Variants in SPATA17 observed in about 807,000 individuals in gnomAD.
SPATA17 encodes spermatogenesis associated 17, also known as spermatogenesis-associated protein 17.
A neutral mutation model predicts 62.2 loss-of-function variants in SPATA17; 53 were observed. That is an observed-to-expected ratio of 0.85 (90% CI 0.68 to 1.07). SPATA17 has a LOEUF of 1.07. Ranked by LOEUF, SPATA17 falls within the 50% of genes least tolerant of loss-of-function variation. The probability of loss-of-function intolerance (pLI) is 0.00; values close to 1 mark genes in which losing one functional copy is unlikely to be tolerated. For missense variants in SPATA17, 466 were observed against 425.5 expected (o/e 1.10, Z -0.84); for synonymous variants, 146 against 146.8 (o/e 0.99, Z 0.04).
chr1:217,737,979 C>T (rs1311481623), intron 5 of SPATA17: 5 of 152,340 alleles, frequency 3.3e-5, no homozygotes, highest in South Asian at 2.1e-4. Flanking sequence ...TGCACACCAC[C>T]ACACCAGGCT....
chr1:217,795,179 A>G (rs571171316), intron 8 of SPATA17, among the ~76,000 whole-genome samples: 2 of 152,232 alleles, frequency 1.3e-5, no homozygotes, highest in East Asian at 3.9e-4. Context: ...GATTTTTGGC[A>G]CTTACAGGGC....
At chr1:217,847,839 C>G (rs1163545864) in intron 9 of SPATA17, among the ~76,000 whole-genome samples, 2 of 151,986 alleles carry the variant, frequency 1.3e-5, no homozygotes, top group Non-Finnish European at 2.9e-5. Context: ...CAGGACCAGC[C>G]TGGGCAACAC....
chr1:217,656,585 T>C (rs1670450219), intron 3 of SPATA17, among the ~76,000 whole-genome samples: 3 of 152,184 alleles, frequency 2.0e-5, no homozygotes, highest in African/African-American at 7.2e-5. Flanking sequence ...TATGTATTTA[T>C]TTATTTTTGC....
chr1:217,739,075 T>C (rs1158274746), intron 5 of SPATA17, among the ~76,000 whole-genome samples: 1 of 152,218 alleles, frequency 6.6e-6, no homozygotes, highest in Non-Finnish European at 1.5e-5. Flanking sequence ...TCCCTATGAA[T>C]ATCATTGGCA....
At chr1:217,854,260 GT>G (rs1407128114) in intron 9 of SPATA17, among the ~76,000 whole-genome samples, 4 of 152,140 alleles carry the variant, frequency 2.6e-5, no homozygotes, top group African/African-American at 9.7e-5. Context: ...ATTAAGTTAG[GT>G]TGCAGTTCAT....
At chr1:217,787,731 C>T (rs538423141) in intron 8 of SPATA17, among the ~76,000 whole-genome samples, 19 of 151,928 alleles carry the variant, frequency 1.3e-4, no homozygotes, top group Admixed American at 8.5e-4. Context: ...AATTATTAAA[C>T]GCTCTTCACT....
At chr1:217,744,273 T>C (rs1672697681) in intron 6 of SPATA17, among the ~76,000 whole-genome samples, 1 of 52,184 alleles carries the variant, frequency 1.9e-5, no homozygotes, top group African/African-American at 4.6e-5. Flanking sequence ...CCATCCCGGC[T>C]AAAACGGTGA....
intron 5 of SPATA17, among the ~76,000 whole-genome samples, chr1:217,723,374 T>G (rs549513924): frequency 6.6e-6 from 1 of 152,188 alleles, no homozygotes; most frequent in African/African-American, 2.4e-5. Context: ...GATTTGTTTC[T>G]ATCCTTCAGA....
chr1:217,779,706 G>T (rs536249282), intron 7 of SPATA17, among the ~76,000 whole-genome samples: 1 of 150,530 alleles, frequency 6.6e-6, no homozygotes, highest in Non-Finnish European at 1.5e-5. Context: ...CCATATTCCT[G>T]TGTGTTACCA....
intron 1 of SPATA17, among the ~76,000 whole-genome samples, chr1:217,636,120 A>C (rs1669931755): frequency 8.6e-6 from 1 of 115,828 alleles, no homozygotes; most frequent in East Asian, 2.5e-4. Context: ...CGACAGAATG[A>C]GACTCCGTCT....
chr1:217,659,195 C>T (rs1670511125), intron 3 of SPATA17, among the ~76,000 whole-genome samples: 1 of 150,166 alleles, frequency 6.7e-6, no homozygotes, highest in East Asian at 2.0e-4. Context: ...AAAACACACA[C>T]ACACACACAC....
intron 9 of SPATA17, among the ~76,000 whole-genome samples, chr1:217,834,594 A>G (rs1675219473): frequency 6.6e-6 from 1 of 152,184 alleles, no homozygotes; most frequent in Admixed American, 6.6e-5. Context: ...GAATAAGGAT[A>G]TAAAGGAAAA....
chr1:217,835,803 G>A (rs777607376), intron 9 of SPATA17, among the ~76,000 whole-genome samples: 4 of 152,010 alleles, frequency 2.6e-5, no homozygotes, highest in Non-Finnish European at 4.4e-5. Flanking sequence ...CAACTTCTCC[G>A]ATTACTCCTG....
chr1:217,711,472 T>A (rs1471296056), intron 5 of SPATA17, among the ~76,000 whole-genome samples: 1 of 152,226 alleles, frequency 6.6e-6, no homozygotes, highest in Non-Finnish European at 1.5e-5. Flanking sequence ...TGGATTCAGA[T>A]AGATATGAAT....
chr1:217,865,456 G>A (rs1248939606), intron 10 of SPATA17, among the ~76,000 whole-genome samples: 1 of 152,046 alleles, frequency 6.6e-6, no homozygotes, highest in African/African-American at 2.4e-5. Context: ...AAAATACACG[G>A]AACTAGATCT....
At chr1:217,780,286 G>A in intron 7 of SPATA17, among the ~76,000 whole-genome samples, 1 of 151,992 alleles carries the variant, frequency 6.6e-6, no homozygotes, top group East Asian at 1.9e-4. Context: ...ACTAACCAAG[G>A]AGCTGGAAGA....
chr1:217,823,971 C>T (rs1052395375), intron 9 of SPATA17, among the ~76,000 whole-genome samples: 2 of 151,952 alleles, frequency 1.3e-5, no homozygotes, highest in Non-Finnish European at 2.9e-5. Flanking sequence ...TCCATGCCTT[C>T]ACTTTCAGTT....
At chr1:217,815,005 C>T (rs764088941) in intron 9 of SPATA17, among the ~76,000 whole-genome samples, 1 of 151,964 alleles carries the variant, frequency 6.6e-6, no homozygotes, top group African/African-American at 2.4e-5. Context: ...AAACTCGTAA[C>T]CTTATGTTTT....
intron 6 of SPATA17, among the ~76,000 whole-genome samples, chr1:217,770,818 G>A (rs1203498247): frequency 6.6e-6 from 1 of 151,926 alleles, no homozygotes; most frequent in Non-Finnish European, 1.5e-5. Flanking sequence ...ATGGTTCAAA[G>A]TATTAATGTA....
Sources: gnomAD v4.1 joint callset for allele counts (sites outside exome capture counted in the v4.1 genomes callset) on GRCh38, gnomAD v4.1.1 for gene constraint, MANE v1.5 for transcripts, NCBI Gene and HGNC (gene_info 2026-07-23, HGNC 2026-07-21) for gene names.